Variants in STK32C observed in about 807,000 individuals in gnomAD.
STK32C encodes the protein serine/threonine-protein kinase 32C.
A neutral mutation model predicts 56.5 loss-of-function variants in STK32C; 31 were observed. The observed-to-expected ratio is 0.55, with a 90% CI of 0.41 to 0.74. The LOEUF (loss-of-function observed/expected upper bound fraction) is 0.74, where lower values mean the gene tolerates loss of function less well. STK32C is among the 30% of genes least tolerant of loss of function. STK32C has a pLI of 0.00. For synonymous variants in STK32C, 309 were observed against 289.4 expected (o/e 1.07, Z -0.69); for missense variants, 544 against 676.9 (o/e 0.80, Z 2.18).
intron 1 of STK32C, among the ~76,000 whole-genome samples, chr10:132,301,160 AAT>A (rs1032386660): frequency 2.0e-5 from 3 of 151,888 alleles, no homozygotes; most frequent in African/African-American, 7.3e-5. Context: ...GTCCTCCATT[AAT>A]ATGAGCCCAG....
chr10:132,278,005 G>A (rs7094372), intron 1 of STK32C, among the ~76,000 whole-genome samples: 94,191 of 152,078 alleles, frequency 0.62, 31,006 homozygotes, highest in African/African-American at 0.86. Flanking sequence ...AGGCTTCGGA[G>A]TTCCTCCCCA....
At chr10:132,329,866 C>G (rs1251511306) in intron 1 of STK32C, among the ~76,000 whole-genome samples, 1 of 152,212 alleles carries the variant, frequency 6.6e-6, no homozygotes, top group Non-Finnish European at 1.5e-5. Flanking sequence ...AACTTATACT[C>G]AGAAATACCA....
intron 1 of STK32C, among the ~76,000 whole-genome samples, chr10:132,275,074 C>A (rs1454671126): frequency 6.6e-6 from 1 of 152,088 alleles, no homozygotes; most frequent in African/African-American, 2.4e-5. Context: ...GGCCGAGGAA[C>A]CAAGTTCCTC....
At chr10:132,294,070 G>A (rs2065657543) in intron 1 of STK32C, among the ~76,000 whole-genome samples, 1 of 152,224 alleles carries the variant, frequency 6.6e-6, no homozygotes, top group African/African-American at 2.4e-5. Flanking sequence ...GAGTCGGAGG[G>A]TGGACGGAAA....
At chr10:132,316,456 T>C (rs372273225) in intron 1 of STK32C, among the ~76,000 whole-genome samples, 4 of 151,804 alleles carry the variant, frequency 2.6e-5, no homozygotes, top group Admixed American at 6.6e-5. Context: ...CTACAAAAAA[T>C]AAGGATAAAA....
At chr10:132,214,778 A>G (rs1259991536) in intron 10 of STK32C, among the ~76,000 whole-genome samples, 3 of 152,242 alleles carry the variant, frequency 2.0e-5, no homozygotes, top group Admixed American at 6.5e-5. Context: ...CCCACTGCAC[A>G]TGAGGGGGCA....
At chr10:132,302,114 C>T (rs570454136) in intron 1 of STK32C, among the ~76,000 whole-genome samples, 30 of 152,320 alleles carry the variant, frequency 2.0e-4, no homozygotes, top group Admixed American at 1.6e-3. Flanking sequence ...TGAGTGGTCC[C>T]GGCTCCGTGT....
intron 1 of STK32C, among the ~76,000 whole-genome samples, chr10:132,271,205 A>C (rs1465944822): frequency 6.6e-6 from 1 of 152,162 alleles, no homozygotes; most frequent in Non-Finnish European, 1.5e-5. Context: ...TGTGGCATCC[A>C]GAAGAGTGTC....
At chr10:132,286,498 T>C (rs1311327847) in intron 1 of STK32C, among the ~76,000 whole-genome samples, 3 of 152,022 alleles carry the variant, frequency 2.0e-5, no homozygotes, top group South Asian at 2.1e-4. Flanking sequence ...CAGGCCAATA[T>C]CCCTAATGAA....
intron 2 of STK32C, among the ~76,000 whole-genome samples, chr10:132,240,445 A>T (rs1211754184): frequency 6.6e-6 from 1 of 152,168 alleles, no homozygotes; most frequent in Non-Finnish European, 1.5e-5. Flanking sequence ...GGTAAGGTGG[A>T]ATCCAGAGGC....
At chr10:132,277,897 C>T (rs2065037429) in intron 1 of STK32C, among the ~76,000 whole-genome samples, 1 of 152,218 alleles carries the variant, frequency 6.6e-6, no homozygotes, top group Non-Finnish European at 1.5e-5. Context: ...CCAGCCTGCA[C>T]TCTGGCTCAC....
intron 1 of STK32C, among the ~76,000 whole-genome samples, chr10:132,276,377 C>T (rs1338833304): frequency 1.3e-5 from 2 of 152,196 alleles, no homozygotes; most frequent in Non-Finnish European, 2.9e-5. Flanking sequence ...GGGTCAGGGT[C>T]AGCACCTGTG....
chr10:132,243,584 C>A (rs1326927547), intron 2 of STK32C, among the ~76,000 whole-genome samples: 1 of 152,234 alleles, frequency 6.6e-6, no homozygotes, highest in Admixed American at 6.5e-5. Flanking sequence ...GCACCATGTA[C>A]TTCATGCCTC....
rs2138021399 is a variant in STK32C, at chr10:132,255,086, A to G, written c.263-9131T>C. Among the ~76,000 whole-genome samples the G allele has an allele frequency of 6.6e-6, 1 of 152,274 alleles. No homozygotes were observed. Among genetic ancestry groups the G allele is most frequent in the South Asian group, 2.1e-4 (1 of 4,820 alleles). ...CAGCAGAAGTGGGCACTACTGTGAG[A>G]GCTGTCACAAAGATCAAATGTCACA... On this transcript the variant is annotated intron_variant, in intron 1 of 11. Coordinates refer to ENST00000298630, the MANE Select transcript of STK32C (RefSeq NM_173575.4). The surrounding 1 kb of genome is among the most constrained non-coding windows in gnomAD (Gnocchi z 4.6).
chr10:132,281,760 G>A (rs1471896958), intron 1 of STK32C, among the ~76,000 whole-genome samples: 1 of 152,244 alleles, frequency 6.6e-6, no homozygotes, highest in Non-Finnish European at 1.5e-5. Flanking sequence ...GGCACCTGCA[G>A]GCCCCTCTGC....
exon 1 of STK32C, chr10:132,331,745 C>T (rs1450210664): frequency 1.9e-6 from 3 of 1,611,656 alleles, no homozygotes; most frequent in African/African-American, 2.7e-5. Flanking sequence ...ATCCCGCTCT[C>T]TTCCTTCCCC....
intron 3 of STK32C, 141 bp from the exon 4 acceptor site, chr10:132,227,109 C>T (rs1191622421): frequency 4.1e-6 from 4 of 971,314 alleles, no homozygotes; most frequent in Admixed American, 2.2e-5. Flanking sequence ...GAGGGGCCTG[C>T]CCAAGGCACT....
At chr10:132,210,761 C>A (rs1334124952) in intron 10 of STK32C, among the ~76,000 whole-genome samples, 1 of 152,264 alleles carries the variant, frequency 6.6e-6, no homozygotes, top group African/African-American at 2.4e-5. Context: ...TAGGGCTCAA[C>A]ACATTTCTTG....
rs779697644 is a variant in STK32C at position 132,226,839 on chromosome 10, C to T, written c.600G>A (p.Met200Ile). 1 of 1,613,228 alleles carries T rather than the reference C, an allele frequency of 6.2e-7. No homozygotes were observed. The highest frequency in any genetic ancestry group is 8.5e-7 in the Non-Finnish European group (1 of 1,180,042). ...CGCGCAGGTAGTCCAGAGCCAGTGC[C>T]ATCTCGCAGATGTACAGCCTCACCG... Reference protein sequence around the residue: ...EDTVRLYICEMALALDYLRGQ... With the variant: ...EDTVRLYICEIALALDYLRGQ... The change falls in exon 4 of 12, where the codon ATG (methionine) becomes ATA (isoleucine). Residue 200 changes from methionine to isoleucine, a missense_variant. This residue lies in a region of STK32C where 85 missense variants were observed against 149.9 expected (regional missense o/e 0.57). Coordinates refer to ENST00000298630, the MANE Select transcript of STK32C (RefSeq NM_173575.4).
Sources: gnomAD v4.1 joint callset for allele counts (sites outside exome capture counted in the v4.1 genomes callset) on GRCh38, gnomAD v4.1.1 for gene constraint, gnomAD v4.1.1 regional missense constraint, Gnocchi (gnomAD v3.1) non-coding constraint, MANE v1.5 for transcripts, NCBI Gene and HGNC (gene_info 2026-07-23, HGNC 2026-07-21) for gene names.